The following FBLN2 variants were observed in gnomAD, a reference collection of about 807,000 sequenced individuals.
FBLN2 encodes fibulin 2.
In FBLN2, 81 loss-of-function variants were observed where a neutral mutation model predicts 123.7. The observed-to-expected ratio is 0.65, with a 90% CI of 0.55 to 0.79. The LOEUF (loss-of-function observed/expected upper bound fraction) is 0.79, where lower values mean the gene tolerates loss of function less well. FBLN2 is among the 30% of genes least tolerant of loss of function. The pLI is 0.00. For missense variants in FBLN2, 1,603 were observed against 1,681.3 expected (o/e 0.95, Z 0.81); for synonymous variants, 699 against 701.4 (o/e 1.00, Z 0.05).
intron 2 of FBLN2, among the ~76,000 whole-genome samples, chr3:13,595,542 C>G (rs779640720): frequency 2.0e-5 from 3 of 152,214 alleles, no homozygotes; most frequent in Non-Finnish European, 4.4e-5. Context: ...CTCCACACCC[C>G]CAGGAGAACA....
intron 1 of FBLN2, among the ~76,000 whole-genome samples, chr3:13,564,213 G>A (rs1370884908): frequency 2.6e-5 from 4 of 152,078 alleles, no homozygotes; most frequent in Non-Finnish European, 4.4e-5. Context: ...ACTTGGGCCC[G>A]GGGGCAGCCG....
intron 2 of FBLN2, among the ~76,000 whole-genome samples, chr3:13,604,963 C>G (rs1216770812): frequency 6.6e-6 from 1 of 152,228 alleles, no homozygotes; most frequent in African/African-American, 2.4e-5. Context: ...CTTACGTGAA[C>G]TGCTCAGGAC....
At chr3:13,555,425 CTGTT>C (rs1703436189) in intron 1 of FBLN2, among the ~76,000 whole-genome samples, 1 of 151,528 alleles carries the variant, frequency 6.6e-6, no homozygotes, top group South Asian at 2.1e-4. Context: ...TGAGTGTTCC[CTGTT>C]TTTTTTTTAT....
intron 1 of FBLN2, among the ~76,000 whole-genome samples, chr3:13,566,190 T>A (rs1419348648): frequency 6.6e-6 from 1 of 152,148 alleles, no homozygotes; most frequent in Non-Finnish European, 1.5e-5. Flanking sequence ...GGGCTTCTTT[T>A]TTCAGGTTGC....
Position 13,614,036 on chromosome 3 carries a change from C to T in FBLN2, c.1601C>T (p.Ser534Leu), listed in dbSNP as rs763915399. 3.7e-6 allele frequency: 6 copies of T among 1,613,420 alleles called. No homozygotes were observed. Among genetic ancestry groups the T allele is most frequent in the Middle Eastern group, 1.6e-4 (1 of 6,084 alleles). The change falls in exon 5 of 18, where the codon TCG (serine) becomes TTG (leucine). Residue 534 changes from serine (S) to leucine (L), a missense_variant. By Grantham distance (145) the Ser-to-Leu change is moderately radical. Coordinates refer to ENST00000404922, the MANE Select transcript of FBLN2 (RefSeq NM_001004019.2). ...LGLRVRAEGQ[S>L]CESNPNLGYP... ...CTCCGCGTGCGGGCCGAGGGCCAGT[C>T]GTGTGAGTCCAATCCTAACCTGGGC...
Position 13,565,219 on chromosome 3 carries a change from C to A in FBLN2, c.-41-5096C>A, listed in dbSNP as rs151008001. On this transcript the variant is annotated intron_variant, in intron 1 of 17. Coordinates refer to ENST00000404922, the MANE Select transcript of FBLN2 (RefSeq NM_001004019.2). The stretch of plus-strand genomic sequence containing the variant: ...TGAACCCTGCTGCCACTTTAGAATA[C>A]CCTGGTCCCCCCACCCACAGCAGGG... Among the ~76,000 whole-genome samples the A allele has an allele frequency of 6.3e-3, 953 of 152,328 alleles. 12 individuals are homozygous for A. The highest frequency in any genetic ancestry group is 0.022 in the African/African-American group (912 of 41,570).
intron 1 of FBLN2, among the ~76,000 whole-genome samples, chr3:13,556,554 A>C (rs192560701): frequency 3.3e-5 from 5 of 152,314 alleles, no homozygotes; most frequent in Admixed American, 1.3e-4. Context: ...AGCCTGTAAC[A>C]GACTGGTTTA....
In FBLN2 at chr3:13,618,925, A is replaced by G; in HGVS notation, c.1961A>G (p.Glu654Gly). ...ACAGAGGGTCACCCTCCACAGCCGG[A>G]AGCCCCACAGGAGCCTGCACTGAAG... ...CRPEGHPPQP[E>G]APQEPALKSE... Residue 654 changes from glutamate to glycine, a missense_variant, in exon 7 of 18, where the codon GAA (glutamate) becomes GGA (glycine). Glu to Gly is a moderately conservative substitution (Grantham distance 98). Transcript: ENST00000404922. 6.2e-7 allele frequency: 1 copy of G among 1,613,336 alleles called. No individual in the cohort carries two copies. The highest frequency in any genetic ancestry group is 8.5e-7 in the Non-Finnish European group (1 of 1,179,712).
chr3:13,582,475 T>G (rs1704364283), intron 2 of FBLN2, among the ~76,000 whole-genome samples: 1 of 152,202 alleles, frequency 6.6e-6, no homozygotes, highest in African/African-American at 2.4e-5. Context: ...AGGTGAAGCT[T>G]CTGGTTGAGA....
At chr3:13,609,688 G>GGGGGGCC in intron 4 of FBLN2, 46 bp downstream of exon 4, 2 of 512,598 alleles carry the variant, frequency 3.9e-6, no homozygotes, top group Non-Finnish European at 7.2e-6. Flanking sequence ...GTGGGGCGGG[G>GGGGGGCC]CGGGAGGCTG....
chr3:13,566,882 C>A lies in FBLN2; in HGVS notation c.-41-3433C>A, dbSNP rs552082133. Among the ~76,000 whole-genome samples, 3 of 152,364 alleles carry A rather than the reference C, an allele frequency of 2.0e-5. No homozygotes were observed. In the South Asian group the frequency reaches 6.2e-4, roughly 32 times the overall value. On this transcript the variant is annotated intron_variant, in intron 1 of 17. Coordinates refer to ENST00000404922, the MANE Select transcript of FBLN2 (RefSeq NM_001004019.2). Reference sequence around the variant, plus strand: ...GAAAGCACTTATGGGCCAGATAATGCTGGTGGGCCCCCGACTATGACCTGA... The same window carrying A: ...GAAAGCACTTATGGGCCAGATAATGATGGTGGGCCCCCGACTATGACCTGA...
At chr3:13,579,379 A>G (rs1029758763) in intron 2 of FBLN2, among the ~76,000 whole-genome samples, 1 of 152,216 alleles carries the variant, frequency 6.6e-6, no homozygotes, top group African/African-American at 2.4e-5. Context: ...GAGTGTATGA[A>G]GAAGGCAACC....
intron 2 of FBLN2, among the ~76,000 whole-genome samples, chr3:13,583,958 G>A (rs779896181): frequency 6.6e-6 from 1 of 152,200 alleles, no homozygotes; most frequent in Non-Finnish European, 1.5e-5. Context: ...TAACTCCAGC[G>A]ACTGTGGCCA....
chr3:13,587,861 CA>C (rs1427026573), intron 2 of FBLN2, among the ~76,000 whole-genome samples: 1 of 152,162 alleles, frequency 6.6e-6, no homozygotes, highest in Non-Finnish European at 1.5e-5. Flanking sequence ...GGCCTGGAGG[CA>C]CCCCCCAATC....
chr3:13,628,854 C>T (rs1706141250), intron 11 of FBLN2, 51 bp from the exon 12 acceptor site: 7 of 1,593,048 alleles, frequency 4.4e-6, no homozygotes, highest in Non-Finnish European at 6.0e-6. Flanking sequence ...GGGGCTGGGG[C>T]CTGGGAGGAC....
chr3:13,627,186 G>A lies in FBLN2; in HGVS notation c.2431+607G>A, dbSNP rs371922649. Among the ~76,000 whole-genome samples, 12 of 152,060 alleles carry A rather than the reference G, an allele frequency of 7.9e-5. No homozygotes were observed. In the East Asian group the frequency reaches 1.4e-3, roughly 17 times the overall value. On this transcript the variant is annotated intron_variant, in intron 10 of 17. Transcript: ENST00000404922. Reference sequence around the variant, plus strand: ...GGCCCCTGGAGGAGGTGACGTTGGAGTTGAGACCTGAATGAGAAGCTCCTG... The same window carrying A: ...GGCCCCTGGAGGAGGTGACGTTGGAATTGAGACCTGAATGAGAAGCTCCTG...
At chr3:13,590,144 CT>C (rs1704624305) in intron 2 of FBLN2, among the ~76,000 whole-genome samples, 1 of 152,144 alleles carries the variant, frequency 6.6e-6, no homozygotes, top group Admixed American at 6.6e-5. Flanking sequence ...ATTATTTTGA[CT>C]TTTATCACCA....
chr3:13,573,351 T>C (rs575080269), intron 2 of FBLN2, among the ~76,000 whole-genome samples: 64 of 151,804 alleles, frequency 4.2e-4, no homozygotes, highest in African/African-American at 1.5e-3. Flanking sequence ...ACATTGCAGC[T>C]CAAGTGGAAG....
At chr3:13,600,240 G>C (rs1379272791) in intron 2 of FBLN2, among the ~76,000 whole-genome samples, 1 of 152,066 alleles carries the variant, frequency 6.6e-6, no homozygotes, top group Admixed American at 6.6e-5. Context: ...GCTTTGCCTG[G>C]CTCTGCCTCC....
Sources: gnomAD v4.1 joint callset for allele counts (sites outside exome capture counted in the v4.1 genomes callset) on GRCh38, gnomAD v4.1.1 for gene constraint, MANE v1.5 for transcripts, NCBI Gene and HGNC (gene_info 2026-07-23, HGNC 2026-07-21) for gene names.